LRRC37A2: variants seen among roughly 807,000 people sequenced by gnomAD.
The protein encoded by LRRC37A2 is leucine-rich repeat-containing protein 37A2.
In LRRC37A2, 9 loss-of-function variants were observed where a neutral mutation model predicts 68.8. That is an observed-to-expected ratio of 0.13 (90% CI 0.08 to 0.23). The LOEUF (loss-of-function observed/expected upper bound fraction) is 0.23, where lower values mean the gene tolerates loss of function less well. Among genes scored for constraint, LRRC37A2 ranks in the 10% least tolerant of loss-of-function variants. The pLI, the probability that LRRC37A2 is intolerant of heterozygous loss-of-function variation, is 1.00. For synonymous variants in LRRC37A2, 63 were observed against 367.6 expected (o/e 0.17, Z 9.48); for missense variants, 168 against 950.4 (o/e 0.18, Z 10.82).
the LRRC37A2 span, chr17:47,021,988 T>C: frequency 2.9e-6 from 4 of 1,400,418 alleles, no homozygotes; most frequent in African/African-American, 2.8e-5. Flanking sequence ...TGGTCCAGCA[T>C]TTTGAGGTCG....
At chr17:46,786,279 A>T in the LRRC37A2 span, among the ~76,000 whole-genome samples, 1 of 152,110 alleles carries the variant, frequency 6.6e-6, no homozygotes, top group Non-Finnish European at 1.5e-5. Context: ...GGACAGGAGA[A>T]GCGGGGGATG....
chr17:46,913,799 G>A, the LRRC37A2 span, among the ~76,000 whole-genome samples: 4 of 152,158 alleles, frequency 2.6e-5, no homozygotes, highest in African/African-American at 7.2e-5. Flanking sequence ...TCACTCTGTC[G>A]CCCATGCTGG....
the LRRC37A2 span, chr17:46,923,692 G>A: frequency 2.8e-6 from 2 of 717,718 alleles, no homozygotes; most frequent in Admixed American, 8.5e-5. Context: ...ACATTTTTAT[G>A]GTACAAAGAA....
chr17:46,543,804 T>G (rs2055863554), intron 8 of LRRC37A2, among the ~76,000 whole-genome samples: 1 of 150,844 alleles, frequency 6.6e-6, no homozygotes, highest in Admixed American at 6.6e-5. Flanking sequence ...AGAAAATGTT[T>G]AAAATAAAAA....
chr17:46,953,470 C>T, the LRRC37A2 span, among the ~76,000 whole-genome samples: 1 of 152,072 alleles, frequency 6.6e-6, no homozygotes, highest in Non-Finnish European at 1.5e-5. Flanking sequence ...GGGTTGGTTC[C>T]AGGTCTTTGC....
At chr17:46,951,021 A>G in the LRRC37A2 span, among the ~76,000 whole-genome samples, 1 of 152,258 alleles carries the variant, frequency 6.6e-6, no homozygotes, top group South Asian at 2.1e-4. Context: ...CCTCGCCCCA[A>G]CTACACGCCC....
the LRRC37A2 span, among the ~76,000 whole-genome samples, chr17:46,714,260 A>T: frequency 6.6e-6 from 1 of 152,210 alleles, no homozygotes; most frequent in Non-Finnish European, 1.5e-5. Flanking sequence ...ATTTGATTAA[A>T]AGAGTTATAG....
chr17:46,851,738 G>A, the LRRC37A2 span: 4 of 1,211,248 alleles, frequency 3.3e-6, no homozygotes, highest in South Asian at 3.2e-5. This position sits in a 1 kb window ranked among gnomAD's most constrained non-coding sequence, Gnocchi z 4.3. Flanking sequence ...CGCGCCCCCC[G>A]CCCGCTCCCC....
chr17:46,767,393 C>T, the LRRC37A2 span, among the ~76,000 whole-genome samples: 1 of 152,220 alleles, frequency 6.6e-6, no homozygotes, highest in Non-Finnish European at 1.5e-5. Flanking sequence ...CGCTTCCCCC[C>T]ACCCACCTCC....
chr17:46,869,982 T>C, the LRRC37A2 span, among the ~76,000 whole-genome samples: 1 of 151,674 alleles, frequency 6.6e-6, no homozygotes, highest in Non-Finnish European at 1.5e-5. Context: ...CTGGACCACA[T>C]AGCAAGACTG....
At chr17:46,918,538 AAAGT>A in the LRRC37A2 span, among the ~76,000 whole-genome samples, 1 of 152,112 alleles carries the variant, frequency 6.6e-6, no homozygotes, top group African/African-American at 2.4e-5. Flanking sequence ...TTTGCCATTA[AAAGT>A]AATTGCAAAA....
the LRRC37A2 span, among the ~76,000 whole-genome samples, chr17:47,035,885 T>C: frequency 6.6e-6 from 1 of 152,350 alleles, no homozygotes; most frequent in Non-Finnish European, 1.5e-5. Context: ...GCTGCAGTTT[T>C]TGATGGACAT....
the LRRC37A2 span, among the ~76,000 whole-genome samples, chr17:46,691,595 A>C: frequency 1.3e-5 from 2 of 151,476 alleles, no homozygotes; most frequent in Admixed American, 1.3e-4. Flanking sequence ...ACTTCATCTC[A>C]AACAAACAAA....
the LRRC37A2 span, chr17:46,948,548 T>C: frequency 6.6e-6 from 1 of 152,254 alleles, no homozygotes; most frequent in African/African-American, 2.4e-5. Flanking sequence ...ACTTGCTCAC[T>C]CCCTCTTTCT....
the LRRC37A2 span, among the ~76,000 whole-genome samples, chr17:46,874,409 C>T: frequency 6.6e-6 from 1 of 152,144 alleles, no homozygotes; most frequent in South Asian, 2.1e-4. Flanking sequence ...GTCAAAATGG[C>T]AGGTTTAGCC....
chr17:46,631,061 T>TACACACACACACACACACACACAC, the LRRC37A2 span, among the ~76,000 whole-genome samples: 78 of 122,834 alleles, frequency 6.4e-4, no homozygotes, highest in African/African-American at 8.6e-4. Flanking sequence ...TCTCTCTCTG[T>TACACACACACACACACACACACAC]ACACACACAC....
the LRRC37A2 span, among the ~76,000 whole-genome samples, chr17:46,758,626 T>C: frequency 6.6e-6 from 1 of 152,238 alleles, no homozygotes; most frequent in Non-Finnish European, 1.5e-5. Context: ...TTTTTTTCAA[T>C]GTCACACAGA....
chr17:47,026,388 T>C, the LRRC37A2 span, among the ~76,000 whole-genome samples: 6 of 152,148 alleles, frequency 3.9e-5, no homozygotes, highest in South Asian at 2.1e-4. Context: ...ACCACAGCAG[T>C]GCTGTAAGGT....
chr17:46,807,829 A>G, the LRRC37A2 span, among the ~76,000 whole-genome samples: 1 of 152,242 alleles, frequency 6.6e-6, no homozygotes. Flanking sequence ...ATGTGGCTTC[A>G]GGTGGACCTC....
Sources: allele counts gnomAD v4.1 joint callset (sites outside exome capture counted in the v4.1 genomes callset), GRCh38; gene constraint gnomAD v4.1.1; non-coding constraint Gnocchi (gnomAD v3.1); transcripts MANE v1.5; gene names NCBI Gene and HGNC (gene_info 2026-07-23, HGNC 2026-07-21).